The following WDR64 variants were observed in gnomAD, a reference collection of about 807,000 sequenced individuals.
WDR64 encodes the protein WD repeat-containing protein 64.
A neutral mutation model predicts 139.3 loss-of-function variants in WDR64; 112 were observed. The ratio of observed to expected loss-of-function variants is 0.80; its 90% CI spans 0.69 to 0.94. WDR64 has a LOEUF of 0.94. WDR64 is among the 40% of genes least tolerant of loss of function. The pLI, the probability that WDR64 is intolerant of heterozygous loss-of-function variation, is 0.00. For missense variants in WDR64, 1,206 were observed against 1,293.1 expected, an observed-to-expected ratio of 0.93 and a Z score of 1.03; for synonymous variants, 444 against 437.7, an observed-to-expected ratio of 1.01 and a Z score of -0.18.
intron 15 of WDR64, among the ~76,000 whole-genome samples, chr1:241,764,531 G>A (rs565097303): frequency 2.5e-4 from 38 of 152,020 alleles, no homozygotes; most frequent in African/African-American, 8.0e-4. Flanking sequence ...GTGCAGCGGC[G>A]TGCACCTTCA....
chr1:241,797,962 G>A (rs1252561964), intron 27 of WDR64, among the ~76,000 whole-genome samples: 1 of 152,064 alleles, frequency 6.6e-6, no homozygotes, highest in African/African-American at 2.4e-5. Context: ...TAAATACTAA[G>A]TGACAGAAAG....
rs747922111 is a variant in WDR64 at position 241,687,499 on chromosome 1, T to C, written c.878T>C (p.Ile293Thr). 20 of 1,613,866 alleles carry C rather than the reference T, an allele frequency of 1.2e-5. No individual in the cohort carries two copies. The highest frequency in any genetic ancestry group is 1.4e-5 in the Non-Finnish European group (16 of 1,179,916). ...RKLHNDWVMK[I>T]RYISALNCFG... ...CTACATAATGACTGGGTTATGAAAA[T>C]TAGATATATTTCAGCCCTAAATTGT... The change falls in exon 8 of 28, where the codon ATT becomes ACT. Residue 293 changes from isoleucine (I) to threonine (T), a missense_variant. By Grantham distance (89) the Ile-to-Thr change is moderately conservative (BLOSUM62 -1). Transcript: ENST00000437684.
chr1:241,652,416 G>A lies in WDR64; in HGVS notation c.-69G>A, dbSNP rs562774760. The A allele has an allele frequency of 6.7e-6, 10 of 1,495,348 alleles. No homozygotes were observed. Among genetic ancestry groups the A allele is most frequent in the Middle Eastern group, 1.7e-4 (1 of 5,794 alleles). The allele number at this position is 1,495,348 out of a possible 1,614,324, so 92.6% of individuals were successfully genotyped here. On this transcript the variant is annotated 5_prime_UTR_variant, in exon 1 of 28. Transcript: ENST00000437684. Reference sequence around the variant, plus strand: ...CAGCAGGGAGGCACTGTAACAACTGGAAAGTTTTCCAAATTGGTAAACTTG... The same window carrying A: ...CAGCAGGGAGGCACTGTAACAACTGAAAAGTTTTCCAAATTGGTAAACTTG...
At chr1:241,697,157 T>A (rs148824727) in intron 8 of WDR64, among the ~76,000 whole-genome samples, 1 of 152,222 alleles carries the variant, frequency 6.6e-6, no homozygotes, top group Non-Finnish European at 1.5e-5. Context: ...AGACTCCTAA[T>A]CCCTTTACAT....
chr1:241,775,786 TAA>T (rs1658636740), intron 21 of WDR64, among the ~76,000 whole-genome samples: 2 of 152,178 alleles, frequency 1.3e-5, no homozygotes, highest in Non-Finnish European at 2.9e-5. Context: ...CATGCATGTG[TAA>T]AAAGTTTTAT....
chr1:241,713,143 C>CAA (rs57422282), intron 9 of WDR64, among the ~76,000 whole-genome samples: 6,373 of 137,038 alleles, frequency 0.047, 474 homozygotes, highest in African/African-American at 0.16. Flanking sequence ...CTTGTCTCTA[C>CAA]AAAAAAAAAA....
chr1:241,746,961 T>C (rs905550412), intron 13 of WDR64, among the ~76,000 whole-genome samples: 4 of 152,192 alleles, frequency 2.6e-5, no homozygotes, highest in African/African-American at 4.8e-5. Context: ...GGTTTTGCTA[T>C]GTTGCCCAGG....
At chr1:241,687,351 C>A in intron 7 of WDR64, 110 bp from the exon 8 acceptor site, 6 of 1,173,750 alleles carry the variant, frequency 5.1e-6, no homozygotes, top group South Asian at 1.4e-5. Flanking sequence ...CTGTATTCTA[C>A]ATTTGGGTTT....
At chr1:241,708,704 G>GTT (rs1331215028) in intron 8 of WDR64, among the ~76,000 whole-genome samples, 4 of 42,710 alleles carry the variant, frequency 9.4e-5, no homozygotes, top group African/African-American at 2.0e-4. Context: ...TTTTTTTTTT[G>GTT]TTTTTTTGTT....
intron 23 of WDR64, among the ~76,000 whole-genome samples, chr1:241,786,641 T>C (rs1659047233): frequency 6.6e-6 from 1 of 152,140 alleles, no homozygotes. Context: ...GAGAATTTGA[T>C]AATAGTAAAA....
At chr1:241,770,341 G>T (rs1658381493) in intron 17 of WDR64, 2 of 291,100 alleles carry the variant, frequency 6.9e-6, no homozygotes, top group Admixed American at 1.0e-4. Context: ...GAGCCTCTGG[G>T]ACTAAATCTA....
At chr1:241,710,420 A>G (rs2148170453) in intron 8 of WDR64, among the ~76,000 whole-genome samples, 1 of 152,138 alleles carries the variant, frequency 6.6e-6, no homozygotes, top group East Asian at 1.9e-4. Context: ...ACCATGGCAC[A>G]ATACCATTCA....
chr1:241,745,217 C>T (rs373765381), intron 13 of WDR64, among the ~76,000 whole-genome samples: 5 of 152,078 alleles, frequency 3.3e-5, no homozygotes, highest in East Asian at 1.9e-4. Context: ...TAGGCCTATA[C>T]GCATAAGCCA....
chr1:241,741,468 A>G (rs1407994336), intron 11 of WDR64, 48 bp from the exon 12 acceptor site: 1 of 1,529,144 alleles, frequency 6.5e-7, no homozygotes, highest in Non-Finnish European at 8.8e-7. Flanking sequence ...CTTTGTGATT[A>G]GAAACTTCTA....
intron 10 of WDR64, 68 bp downstream of exon 10, chr1:241,723,504 G>A (rs1165238379): frequency 6.6e-7 from 1 of 1,506,206 alleles, no homozygotes; most frequent in Non-Finnish European, 8.9e-7. Flanking sequence ...AAGGCATAGG[G>A]ATGATACAAT....
intron 15 of WDR64, among the ~76,000 whole-genome samples, chr1:241,762,962 C>T (rs527428572): frequency 9.9e-5 from 15 of 152,068 alleles, no homozygotes; most frequent in African/African-American, 2.9e-4. Context: ...AGCTAAAAGC[C>T]CTTTAAAATC....
intron 23 of WDR64, among the ~76,000 whole-genome samples, chr1:241,783,831 A>G (rs1658938813): frequency 6.6e-6 from 1 of 152,212 alleles, no homozygotes; most frequent in South Asian, 2.1e-4. Flanking sequence ...GTTATCAATT[A>G]CCTAGATAAT....
In WDR64 at chr1:241,780,002, A is replaced by G. The variant is rs1389368641; in HGVS notation, c.2537-2A>G. 5.0e-6 allele frequency: 8 copies of G among 1,588,126 alleles called. No homozygotes were observed. The highest frequency in any genetic ancestry group is 6.8e-6 in the Non-Finnish European group (8 of 1,171,828). The stretch of plus-strand genomic sequence containing the variant: ...AGATTCCAATGTTTAAATTTTATAC[A>G]GAAGGACATGTTATCCTTTGCAATA... On this transcript the variant is annotated splice_acceptor_variant, in intron 21 of 27. Transcript: ENST00000437684. LOFTEE classifies it high-confidence loss of function.
At chr1:241,678,726 G>A (rs1666656947) in intron 5 of WDR64, among the ~76,000 whole-genome samples, 1 of 151,940 alleles carries the variant, frequency 6.6e-6, no homozygotes, top group Non-Finnish European at 1.5e-5. Flanking sequence ...ATGGATTTAC[G>A]AGAGCTGGGA....
Sources: allele counts gnomAD v4.1 joint callset (sites outside exome capture counted in the v4.1 genomes callset), GRCh38; gene constraint gnomAD v4.1.1; transcripts MANE v1.5; gene names NCBI Gene and HGNC (gene_info 2026-07-23, HGNC 2026-07-21).